USP37: variants seen among roughly 807,000 people sequenced by gnomAD.
USP37 encodes the protein ubiquitin specific peptidase 37.
USP37 carries 27 observed loss-of-function variants against 124.0 expected under a neutral mutation model. The observed-to-expected ratio is 0.22, with a 90% CI of 0.16 to 0.30. The LOEUF (loss-of-function observed/expected upper bound fraction) is 0.30. Ranked by LOEUF, USP37 falls within the 10% of genes least tolerant of loss-of-function variation. The pLI is 1.00. For missense variants in USP37, 889 were observed against 1,140.4 expected (o/e 0.78, Z 3.17); for synonymous variants, 365 against 388.0 (o/e 0.94, Z 0.70).
chr2:218,534,591 G>C lies in USP37; in HGVS notation c.778+18C>G. 1.3e-6 allele frequency: 2 copies of C among 1,505,742 alleles called. No homozygotes were observed. Among genetic ancestry groups the C allele is most frequent in the East Asian group, 2.3e-5 (1 of 42,938 alleles). The allele number at this position is 1,505,742 out of a possible 1,614,324, so 93.3% of individuals were successfully genotyped here. On this transcript the variant is annotated intron_variant, in intron 9 of 25. Transcript: ENST00000258399. ...ATAATAAATGAGCACCTTATTTATT[G>C]TAAGATCAAACACTTACCTGATGTC...
intron 4 of USP37, among the ~76,000 whole-genome samples, chr2:218,557,847 C>T (rs373919950): frequency 6.0e-5 from 8 of 134,320 alleles, no homozygotes; most frequent in African/African-American, 2.2e-4. Context: ...AGGAGAATCG[C>T]TTGAACCCGG....
At chr2:218,485,565 T>C in intron 16 of USP37, 99 bp downstream of exon 16, 1 of 1,284,054 alleles carries the variant, frequency 7.8e-7, no homozygotes, top group African/African-American at 1.5e-5. Flanking sequence ...TATTCAGTAA[T>C]ATTTGTATGA....
intron 8 of USP37, among the ~76,000 whole-genome samples, chr2:218,536,857 T>C (rs1354142437): frequency 6.6e-6 from 1 of 152,194 alleles, no homozygotes; most frequent in Admixed American, 6.5e-5. Flanking sequence ...CTGTTGCTGA[T>C]AGTAATACCT....
chr2:218,538,142 A>G (rs968509527), intron 8 of USP37, among the ~76,000 whole-genome samples: 3 of 152,222 alleles, frequency 2.0e-5, no homozygotes, highest in African/African-American at 7.2e-5. Context: ...TGATTAATGG[A>G]TAGGTCATCT....
chr2:218,453,135 AACTTAG>A lies in USP37; in HGVS notation c.*1789_*1794del, dbSNP rs1689533773. On this transcript the variant is annotated 3_prime_UTR_variant, in exon 26 of 26. Transcript: ENST00000258399. Reference sequence around the variant, plus strand: ...GGCCATTTATAATTCAAAGAATGAAAACTTAGAATAGTTTACTACATTAGAATACAT... The same window carrying A: ...GGCCATTTATAATTCAAAGAATGAAAAATAGTTTACTACATTAGAATACAT... 1 of 152,212 alleles carries A rather than the reference AACTTAG, an allele frequency of 6.6e-6. No individual in the cohort carries two copies. The highest frequency in any genetic ancestry group is 6.5e-5 in the Admixed American group (1 of 15,280). 9.4% of individuals were successfully genotyped at this position (152,212 alleles called of 1,614,324 possible).
chr2:218,534,335 A>C (rs989674120), intron 9 of USP37, among the ~76,000 whole-genome samples: 11 of 152,158 alleles, frequency 7.2e-5, no homozygotes, highest in African/African-American at 2.7e-4. Context: ...CTAAAAATTC[A>C]AAAATTAGCC....
intron 9 of USP37, among the ~76,000 whole-genome samples, chr2:218,531,863 T>A (rs1691345084): frequency 6.6e-6 from 1 of 152,238 alleles, no homozygotes; most frequent in African/African-American, 2.4e-5. Context: ...CCTGCAGATG[T>A]GACTGAATTG....
At chr2:218,465,234 T>G (rs900576949) in intron 21 of USP37, among the ~76,000 whole-genome samples, 3 of 152,158 alleles carry the variant, frequency 2.0e-5, no homozygotes, top group Non-Finnish European at 4.4e-5. Context: ...AAAATACAAT[T>G]ATAAAATCAT....
Position 218,499,342 on chromosome 2 carries a change from T to C in USP37, c.1026-1185A>G, listed in dbSNP as rs916616501. On this transcript the variant is annotated intron_variant, in intron 11 of 25. Transcript: ENST00000258399. Reference sequence around the variant, plus strand: ...AATAAATTTAGACTTCCAGAAGAGATGCAAAAATCTTTACCTGGATTCACC... The same window carrying C: ...AATAAATTTAGACTTCCAGAAGAGACGCAAAAATCTTTACCTGGATTCACC... Among the ~76,000 whole-genome samples, 38 of 152,252 alleles carry C rather than the reference T, an allele frequency of 2.5e-4. 1 individual carries two copies. The highest frequency in any genetic ancestry group is 8.9e-4 in the African/African-American group (37 of 41,554).
Position 218,451,174 on chromosome 2 carries a change from T to C in USP37, c.*3756A>G, listed in dbSNP as rs777482165. On this transcript the variant is annotated 3_prime_UTR_variant, in exon 26 of 26. Coordinates refer to ENST00000258399, the MANE Select transcript of USP37 (RefSeq NM_020935.3). Reference sequence around the variant, plus strand: ...AGGGCAGAAGTCTATTTAGTTTTTGTATACACTTGCAAGAGTGCATTACTC... The same window carrying C: ...AGGGCAGAAGTCTATTTAGTTTTTGCATACACTTGCAAGAGTGCATTACTC... 1 of 152,230 alleles carries C rather than the reference T, an allele frequency of 6.6e-6. No homozygotes were observed. Among genetic ancestry groups the C allele is most frequent in the African/African-American group, 2.4e-5 (1 of 41,474 alleles). The allele number at this position is 152,230 out of a possible 1,614,324, so 9.4% of individuals were successfully genotyped here.
intron 14 of USP37, among the ~76,000 whole-genome samples, chr2:218,493,719 C>A (rs965650053): frequency 1.3e-5 from 2 of 152,142 alleles, no homozygotes; most frequent in African/African-American, 4.8e-5. Flanking sequence ...GATCCACCCA[C>A]CTTGACCTCC....
At chr2:218,561,606 C>T (rs901059659) in intron 2 of USP37, among the ~76,000 whole-genome samples, 1 of 150,204 alleles carries the variant, frequency 6.7e-6, no homozygotes, top group East Asian at 1.9e-4. Context: ...TGCAGTGAGC[C>T]GAGATCATAC....
intron 20 of USP37, among the ~76,000 whole-genome samples, chr2:218,468,234 C>T (rs956826711): frequency 5.3e-5 from 8 of 151,270 alleles, no homozygotes; most frequent in South Asian, 4.2e-4. Flanking sequence ...GATGGAGTTT[C>T]GCTCTTGTTG....
chr2:218,564,791 G>A (rs1164804688), intron 1 of USP37, among the ~76,000 whole-genome samples: 1 of 152,032 alleles, frequency 6.6e-6, no homozygotes, highest in Admixed American at 6.6e-5. Flanking sequence ...AAACTAAATA[G>A]CTCATCACTA....
At chr2:218,538,259 G>A (rs1263074930) in intron 8 of USP37, among the ~76,000 whole-genome samples, 12 of 152,190 alleles carry the variant, frequency 7.9e-5, no homozygotes, top group Admixed American at 7.9e-4. Flanking sequence ...TGCAGAGCTT[G>A]GAGGGATGCA....
rs191421934 is a variant in USP37 at position 218,566,565 on chromosome 2, G to T, written c.-230+1613C>A. ...CAGAAGAAAATAATGTAACCAGATAGAAGAGTATTGAGTTGATCAGCTTAT... is the reference window on the plus strand; with the variant it reads ...CAGAAGAAAATAATGTAACCAGATATAAGAGTATTGAGTTGATCAGCTTAT... On this transcript the variant is annotated intron_variant, in intron 1 of 25. Coordinates refer to ENST00000258399, the MANE Select transcript of USP37 (RefSeq NM_020935.3). 3.3e-5 allele frequency among the ~76,000 whole-genome samples: 5 copies of T among 152,342 alleles called. No homozygotes were observed. The East Asian group carries it at 7.7e-4, about 23-fold the overall frequency.
At chr2:218,561,112 A>AT (rs1693288867) in intron 2 of USP37, among the ~76,000 whole-genome samples, 1 of 152,208 alleles carries the variant, frequency 6.6e-6, no homozygotes, top group Admixed American at 6.5e-5. Flanking sequence ...CAAACTAGTA[A>AT]TGCTACAGAG....
At chr2:218,510,404 C>T (rs1689910631) in intron 10 of USP37, among the ~76,000 whole-genome samples, 1 of 152,068 alleles carries the variant, frequency 6.6e-6, no homozygotes, top group South Asian at 2.1e-4. Context: ...GAAAACAATA[C>T]ATATAGTTTC....
At chr2:218,538,160 T>C (rs529346629) in intron 8 of USP37, among the ~76,000 whole-genome samples, 1 of 152,214 alleles carries the variant, frequency 6.6e-6, no homozygotes, top group Non-Finnish European at 1.5e-5. Flanking sequence ...TCTTGGTACA[T>C]TGGTACAAAC....
Sources: allele counts gnomAD v4.1 joint callset (sites outside exome capture counted in the v4.1 genomes callset), GRCh38; gene constraint gnomAD v4.1.1; transcripts MANE v1.5; gene names NCBI Gene and HGNC (gene_info 2026-07-23, HGNC 2026-07-21).